Variants in SYCP2 observed in about 807,000 individuals in gnomAD.
SYCP2 encodes the protein synaptonemal complex protein 2.
A neutral mutation model predicts 211.3 loss-of-function variants in SYCP2; 55 were observed. That is an observed-to-expected ratio of 0.26 (90% CI 0.21 to 0.33). The LOEUF (loss-of-function observed/expected upper bound fraction) is 0.33, where lower values mean the gene tolerates loss of function less well. Ranked by LOEUF, SYCP2 falls within the 10% of genes least tolerant of loss-of-function variation. The probability of loss-of-function intolerance (pLI) is 1.00; values close to 1 mark genes in which losing one functional copy is unlikely to be tolerated. For synonymous variants in SYCP2, 570 were observed against 555.2 expected (o/e 1.03, Z -0.37); for missense variants, 1,731 against 1,752.0 (o/e 0.99, Z 0.21).
In SYCP2 at chr20:59,867,838, C is replaced by T. The variant is rs781564830; in HGVS notation, c.3998G>A (p.Ser1333Asn). The T allele has an allele frequency of 6.3e-7, 1 of 1,599,662 alleles. No individual in the cohort carries two copies. Among genetic ancestry groups the T allele is most frequent in the South Asian group, 1.1e-5 (1 of 88,670 alleles). ...GTCATTTGTTGATAATGAAGATACA[C>T]TTTCAGACACTAAAAAATGAAAACA... is the stretch of plus-strand genomic sequence containing the variant. Reference protein sequence around the residue: ...ADHHIHKMSESVSSLSTNDFS... With the variant: ...ADHHIHKMSENVSSLSTNDFS... The change falls in exon 39 of 45, where the codon AGT becomes AAT. Residue 1333 changes from serine to asparagine, a missense_variant. This residue lies in a region of SYCP2 where 1,387 missense variants were observed against 1,351.3 expected (regional missense o/e 1.03). Transcript: ENST00000357552.
intron 43 of SYCP2, 62 bp from the exon 44 acceptor site, chr20:59,865,506 A>G: frequency 1.3e-6 from 2 of 1,578,126 alleles, no homozygotes; most frequent in Non-Finnish European, 1.7e-6. Flanking sequence ...CAGCAAAGAC[A>G]AAGTTACATT....
At chr20:59,928,889 G>A (rs2060682470) in intron 2 of SYCP2, among the ~76,000 whole-genome samples, 2 of 152,220 alleles carry the variant, frequency 1.3e-5, no homozygotes, top group Middle Eastern at 6.8e-3. Context: ...TCACTAAGAT[G>A]TTCCAAGAGG....
At chr20:59,931,814 C>T (rs555831758) in intron 2 of SYCP2, among the ~76,000 whole-genome samples, 2 of 152,160 alleles carry the variant, frequency 1.3e-5, no homozygotes, top group African/African-American at 4.8e-5. Context: ...CACACGCATG[C>T]CTCAAAGCTG....
intron 15 of SYCP2, 142 bp downstream of exon 15, chr20:59,907,222 T>G: frequency 1.6e-6 from 1 of 620,346 alleles, no homozygotes; most frequent in Non-Finnish European, 2.9e-6. Context: ...GGGATCAAGG[T>G]GTTTGATGAA....
rs774859989 is a variant in SYCP2 at position 59,896,487 on chromosome 20, C to T, written c.1446G>A (p.Met482Ile). Residue 482 changes from methionine (M) to isoleucine (I), a missense_variant, in exon 19 of 45, where the codon ATG becomes ATA. By Grantham distance (10) the Met-to-Ile change is conservative. Transcript: ENST00000357552. ...PSKRKMSEAS[M>I]IVSGADRYTM... Reference sequence around the variant, plus strand: ...TGTATCTATCTGCACCAGAAACAATCATTGATGCTTCAGACATTTTTCTTT... The same window carrying T: ...TGTATCTATCTGCACCAGAAACAATTATTGATGCTTCAGACATTTTTCTTT... 2.1e-5 allele frequency: 34 copies of T among 1,610,830 alleles called. No homozygotes were observed. Among genetic ancestry groups the T allele is most frequent in the Non-Finnish European group, 2.8e-5 (33 of 1,178,078 alleles).
At chr20:59,898,386 G>A (rs2060051590) in intron 18 of SYCP2, among the ~76,000 whole-genome samples, 1 of 152,176 alleles carries the variant, frequency 6.6e-6, no homozygotes, top group African/African-American at 2.4e-5. Context: ...ATACTATGCA[G>A]CCATAAAAAG....
At chr20:59,870,206 C>T (rs1325387507) in intron 35 of SYCP2, among the ~76,000 whole-genome samples, 4 of 151,690 alleles carry the variant, frequency 2.6e-5, no homozygotes, top group Non-Finnish European at 4.4e-5. Context: ...CCTGCTAGTA[C>T]AGTTTCTATG....
intron 12 of SYCP2, among the ~76,000 whole-genome samples, chr20:59,913,469 TAAAA>T (rs905588701): frequency 1.3e-5 from 2 of 152,006 alleles, no homozygotes; most frequent in African/African-American, 2.4e-5. Flanking sequence ...TCTGTCGTTA[TAAAA>T]AAAAGATTAA....
intron 24 of SYCP2, among the ~76,000 whole-genome samples, chr20:59,890,415 G>T (rs1267547037): frequency 6.6e-6 from 1 of 152,082 alleles, no homozygotes; most frequent in Non-Finnish European, 1.5e-5. Context: ...GAGGCCTAGG[G>T]GAGGGATAGC....
intron 2 of SYCP2, among the ~76,000 whole-genome samples, chr20:59,929,982 C>T (rs1384501843): frequency 6.6e-6 from 1 of 152,130 alleles, no homozygotes; most frequent in Non-Finnish European, 1.5e-5. Context: ...TCAATCACCA[C>T]AACCATTAGG....
Position 59,874,072 on chromosome 20 carries a change from T to C in SYCP2, c.3350-11A>G, listed in dbSNP as rs763327024. On this transcript the variant is annotated splice_polypyrimidine_tract_variant and intron_variant, in intron 34 of 44. Transcript: ENST00000357552. ...TTATTTTCTCTATACCTATATTGCA[T>C]CAAAATAAAAAAGAAAATAGATGGC... 6.8e-7 allele frequency: 1 copy of C among 1,480,200 alleles called. No homozygotes were observed. Among genetic ancestry groups the C allele is most frequent in the Middle Eastern group, 2.2e-4 (1 of 4,564 alleles). 91.7% of individuals were successfully genotyped at this position (1,480,200 alleles called of 1,614,324 possible).
chr20:59,887,051 T>C (rs2059804562), intron 24 of SYCP2, among the ~76,000 whole-genome samples: 1 of 152,152 alleles, frequency 6.6e-6, no homozygotes, highest in Admixed American at 6.6e-5. Flanking sequence ...GTGTACAACA[T>C]GCAGATTTGT....
Position 59,893,134 on chromosome 20 carries a change from A to C in SYCP2, c.1793+8T>G. 6.3e-7 allele frequency: 1 copy of C among 1,585,930 alleles called. No homozygotes were observed. The highest frequency in any genetic ancestry group is 8.6e-7 in the Non-Finnish European group (1 of 1,161,556). On this transcript the variant is annotated splice_region_variant and intron_variant, in intron 22 of 44. Coordinates refer to ENST00000357552, the MANE Select transcript of SYCP2 (RefSeq NM_014258.4). ...GACTAAATGATTTGATGGTTTTCTC[A>C]TACTTACATAGTATGATCTCTTTTT... is the stretch of plus-strand genomic sequence containing the variant.
At chr20:59,911,924 T>A in intron 13 of SYCP2, 79 bp from the exon 14 acceptor site, 1 of 590,676 alleles carries the variant, frequency 1.7e-6, no homozygotes, top group Non-Finnish European at 2.8e-6. Flanking sequence ...TATTCATGGC[T>A]AAAGCAAGAA....
chr20:59,883,242 A>G (rs1196247332), intron 26 of SYCP2, among the ~76,000 whole-genome samples: 7 of 151,988 alleles, frequency 4.6e-5, no homozygotes, highest in Non-Finnish European at 1.0e-4. Context: ...CCAGCTACTC[A>G]GGAGGCTGAG....
At position 59,877,516 on chromosome 20, in the gene SYCP2, T is replaced by C; in HGVS notation, c.3019A>G (p.Ile1007Val). 1 of 1,602,508 alleles carries C rather than the reference T, an allele frequency of 6.2e-7. No individual in the cohort carries two copies. Among genetic ancestry groups the C allele is most frequent in the Non-Finnish European group, 8.5e-7 (1 of 1,177,316 alleles). Reference protein sequence around the residue: ...KNITKKMDKTIPEGRIRLPRK... With the variant: ...KNITKKMDKTVPEGRIRLPRK... The stretch of plus-strand genomic sequence containing the variant: ...GGAAGTCTGATTCTTCCTTCCGGAA[T>C]TGTCTTGTCCATCTTTTTTGTGATA... The change falls in exon 33 of 45, where the codon ATT becomes GTT. Residue 1007 changes from isoleucine (I) to valine (V), a missense_variant. This residue lies in a region of SYCP2 where 1,387 missense variants were observed against 1,351.3 expected (regional missense o/e 1.03). Coordinates refer to ENST00000357552, the MANE Select transcript of SYCP2 (RefSeq NM_014258.4).
chr20:59,906,892 G>GA (rs1485783772), intron 15 of SYCP2, among the ~76,000 whole-genome samples: 2 of 152,072 alleles, frequency 1.3e-5, no homozygotes, highest in Admixed American at 6.5e-5. Context: ...GAAAGCACAT[G>GA]AAAAAGTGCT....
At chr20:59,917,191 T>G (rs1219363083) in intron 7 of SYCP2, among the ~76,000 whole-genome samples, 1 of 152,108 alleles carries the variant, frequency 6.6e-6, no homozygotes, top group Non-Finnish European at 1.5e-5. Context: ...TTCTAAGGCT[T>G]TTACCAAAAC....
At chr20:59,930,505 C>T (rs1372680598) in intron 2 of SYCP2, among the ~76,000 whole-genome samples, 1 of 152,168 alleles carries the variant, frequency 6.6e-6, no homozygotes, top group Non-Finnish European at 1.5e-5. Context: ...CCATCTTCTT[C>T]CTTCTCTTTT....
Sources: allele counts gnomAD v4.1 joint callset (sites outside exome capture counted in the v4.1 genomes callset), GRCh38; gene constraint gnomAD v4.1.1; regional missense constraint gnomAD v4.1.1; transcripts MANE v1.5; gene names NCBI Gene and HGNC (gene_info 2026-07-23, HGNC 2026-07-21).